PTPRG: variants seen among roughly 807,000 people sequenced by gnomAD.
PTPRG encodes the protein receptor-type tyrosine-protein phosphatase gamma.
A neutral mutation model predicts 165.3 loss-of-function variants in PTPRG; 102 were observed. That is an observed-to-expected ratio of 0.62 (90% confidence interval 0.53 to 0.73). The LOEUF (loss-of-function observed/expected upper bound fraction) is 0.73. Ranked by LOEUF, PTPRG falls within the 30% of genes least tolerant of loss-of-function variation. The pLI is 0.00. For missense variants in PTPRG, 1,866 were observed against 1,861.4 expected, an observed-to-expected ratio of 1.00 and a Z score of -0.05; for synonymous variants, 675 against 669.5, an observed-to-expected ratio of 1.01 and a Z score of -0.13.
chr3:62,045,637 T>G (rs1179961854), intron 4 of PTPRG, among the ~76,000 whole-genome samples: 1 of 151,466 alleles, frequency 6.6e-6, no homozygotes, highest in Non-Finnish European at 1.5e-5. Flanking sequence ...AGTAATTTGT[T>G]AAAATAGTTT....
chr3:61,855,735 A>G (rs966884797), intron 2 of PTPRG, among the ~76,000 whole-genome samples: 10 of 141,428 alleles, frequency 7.1e-5, no homozygotes, highest in African/African-American at 2.4e-4. Flanking sequence ...AGTACTTCTC[A>G]TACTCTTGGT....
At chr3:61,819,628 T>G (rs986261809) in intron 2 of PTPRG, among the ~76,000 whole-genome samples, 4 of 152,192 alleles carry the variant, frequency 2.6e-5, no homozygotes, top group African/African-American at 9.7e-5. Flanking sequence ...TAGGGAACTT[T>G]AGTCTGATCA....
At chr3:61,694,787 A>G in intron 1 of PTPRG, among the ~76,000 whole-genome samples, 1 of 152,172 alleles carries the variant, frequency 6.6e-6, no homozygotes. Flanking sequence ...CTGAGTGAAA[A>G]GAGGCTATGT....
intron 3 of PTPRG, among the ~76,000 whole-genome samples, chr3:62,002,930 A>G (rs1017271889): frequency 1.3e-5 from 2 of 152,170 alleles, no homozygotes; most frequent in African/African-American, 4.8e-5. Flanking sequence ...GATCATATAT[A>G]TTTCCTCTCT....
At chr3:61,765,808 G>A (rs1270223421) in intron 2 of PTPRG, among the ~76,000 whole-genome samples, 1 of 152,176 alleles carries the variant, frequency 6.6e-6, no homozygotes, top group African/African-American at 2.4e-5. Flanking sequence ...GCTACCTTGT[G>A]ATGGGGTATA....
At chr3:62,043,921 C>T (rs995196565) in intron 4 of PTPRG, among the ~76,000 whole-genome samples, 2 of 152,106 alleles carry the variant, frequency 1.3e-5, no homozygotes, top group African/African-American at 4.8e-5. Context: ...GGGCCTAGTG[C>T]AGATAGTTGG....
chr3:62,049,373 A>C (rs17767534), intron 4 of PTPRG, among the ~76,000 whole-genome samples: 13,198 of 152,246 alleles, frequency 0.087, 609 homozygotes, highest in South Asian at 0.1. Flanking sequence ...CTGGGTAGAG[A>C]AGGATTTATT....
At position 61,593,489 on chromosome 3, in the gene PTPRG, A is replaced by G. The variant is rs139407315; in HGVS notation, c.85+31117A>G. 2.2e-3 allele frequency among the ~76,000 whole-genome samples: 336 copies of G among 152,172 alleles called. 4 individuals carry two copies. The highest frequency in any genetic ancestry group is 7.7e-3 in the African/African-American group (320 of 41,550). On this transcript the variant is annotated intron_variant, in intron 1 of 29. Coordinates refer to ENST00000474889, the MANE Select transcript of PTPRG (RefSeq NM_002841.4). Reference sequence around the variant, plus strand: ...GTTACATGGGTGGGAATTGCTGCATAAAGGCTTAAATCTATTCCTTAAAAA... The same window carrying G: ...GTTACATGGGTGGGAATTGCTGCATGAAGGCTTAAATCTATTCCTTAAAAA...
chr3:62,041,260 G>C (rs1026421241), intron 4 of PTPRG, among the ~76,000 whole-genome samples: 12 of 152,200 alleles, frequency 7.9e-5, no homozygotes, highest in Non-Finnish European at 1.5e-5. Context: ...TTCAGAGAAG[G>C]ATTGACTTGG....
chr3:62,131,661 G>GA (rs1703518928), intron 5 of PTPRG, among the ~76,000 whole-genome samples: 1 of 152,008 alleles, frequency 6.6e-6, no homozygotes, highest in Non-Finnish European at 1.5e-5. Context: ...ATAGATTTTT[G>GA]AAAAACTCTT....
chr3:61,954,235 C>A (rs2039969558), intron 2 of PTPRG, among the ~76,000 whole-genome samples: 1 of 152,172 alleles, frequency 6.6e-6, no homozygotes, highest in Non-Finnish European at 1.5e-5. Context: ...ATGCATGGTT[C>A]CCTGTTAAAG....
chr3:61,920,300 TC>T (rs2039045549), intron 2 of PTPRG, among the ~76,000 whole-genome samples: 1 of 152,240 alleles, frequency 6.6e-6, no homozygotes. Flanking sequence ...ACTCTCAGGC[TC>T]CTCCCAAAAT....
intron 12 of PTPRG, among the ~76,000 whole-genome samples, chr3:62,208,942 G>A (rs577098960): frequency 1.5e-4 from 23 of 152,308 alleles, no homozygotes; most frequent in Non-Finnish European, 2.5e-4. Context: ...ATGAAGGAAC[G>A]TGCCCAGAGC....
intron 2 of PTPRG, among the ~76,000 whole-genome samples, chr3:61,903,964 C>T (rs1289567919): frequency 6.6e-6 from 1 of 152,178 alleles, no homozygotes; most frequent in Non-Finnish European, 1.5e-5. Context: ...CTGACTTAAA[C>T]TTGTCAGCCA....
At chr3:62,171,685 A>T (rs1391402784) in intron 8 of PTPRG, among the ~76,000 whole-genome samples, 2 of 150,472 alleles carry the variant, frequency 1.3e-5, no homozygotes, top group African/African-American at 4.9e-5. Flanking sequence ...TTTTTTTTTT[A>T]TTGCTGAATA....
At chr3:62,197,176 AG>A (rs985392553) in intron 10 of PTPRG, among the ~76,000 whole-genome samples, 4 of 152,174 alleles carry the variant, frequency 2.6e-5, no homozygotes, top group Non-Finnish European at 5.9e-5. Flanking sequence ...CAATCCAAAA[AG>A]TGGCAGTATC....
chr3:61,870,515 G>A (rs1575738705), intron 2 of PTPRG, among the ~76,000 whole-genome samples: 2 of 54,172 alleles, frequency 3.7e-5, no homozygotes, highest in Admixed American at 2.2e-4. Flanking sequence ...ATTTTTAGTA[G>A]AGATGGATTT....
Position 61,767,275 on chromosome 3 carries a change from A to G in PTPRG, c.190+18293A>G, listed in dbSNP as rs1293392050. The stretch of plus-strand genomic sequence containing the variant: ...AAAAAAAAGAAAGTAGAATTATCAA[A>G]CTCCATTTTTTTAACTAATTTTTTA... On this transcript the variant is annotated intron_variant, in intron 2 of 29. Transcript: ENST00000474889. 1.9e-4 allele frequency among the ~76,000 whole-genome samples: 27 copies of G among 144,374 alleles called. No homozygotes were observed. The South Asian group carries it at 5.6e-3, about 30-fold the overall frequency. 94.7% of individuals were successfully genotyped at this position (144,374 alleles called of 152,430 possible). A position where few individuals can be genotyped will look rare whatever the true frequency, so the allele number is the denominator to read the frequency against.
At chr3:62,115,724 A>T (rs1338744190) in intron 5 of PTPRG, among the ~76,000 whole-genome samples, 1 of 151,610 alleles carries the variant, frequency 6.6e-6, no homozygotes, top group Non-Finnish European at 1.5e-5. Flanking sequence ...TTTTGCAGAG[A>T]CAAGGGTTTT....
Sources: gnomAD v4.1 joint callset for allele counts (sites outside exome capture counted in the v4.1 genomes callset) on GRCh38, gnomAD v4.1.1 for gene constraint, MANE v1.5 for transcripts, NCBI Gene and HGNC (gene_info 2026-07-23, HGNC 2026-07-21) for gene names.